The following PTPDC1 variants were observed in gnomAD, a reference collection of about 807,000 sequenced individuals.
The protein encoded by PTPDC1 is protein tyrosine phosphatase domain containing 1, also known as protein tyrosine phosphatase domain-containing protein 1.
Under a neutral mutation model 75.3 loss-of-function variants are expected in PTPDC1, and 53 were observed. That is an observed-to-expected ratio of 0.70 (90% CI 0.56 to 0.88). PTPDC1 has a LOEUF of 0.88. Ranked by LOEUF, PTPDC1 falls within the 40% of genes least tolerant of loss-of-function variation. The pLI is 0.00. For missense variants in PTPDC1, 925 were observed against 998.6 expected (o/e 0.93, Z 0.99); for synonymous variants, 349 against 366.2 (o/e 0.95, Z 0.54).
intron 5 of PTPDC1, among the ~76,000 whole-genome samples, chr9:94,096,537 A>C (rs1291657566): frequency 3.3e-5 from 5 of 152,120 alleles, no homozygotes; most frequent in South Asian, 2.1e-4. Context: ...TGACTGTTAT[A>C]TTTGAATTAA....
chr9:94,106,409 C>T (rs893610765), intron 8 of PTPDC1, among the ~76,000 whole-genome samples: 4 of 152,194 alleles, frequency 2.6e-5, no homozygotes, highest in Non-Finnish European at 4.4e-5. Flanking sequence ...CTTGCAGCCC[C>T]CTTGTGAAAC....
At chr9:94,038,020 A>G (rs1417382298) in intron 1 of PTPDC1, 1 of 399,610 alleles carries the variant, frequency 2.5e-6, no homozygotes, top group Non-Finnish European at 4.8e-6. Context: ...GCGACAAAAA[A>G]GAATTAAATA....
chr9:94,095,477 T>G, intron 5 of PTPDC1, 23 bp downstream of exon 5: 8 of 1,579,802 alleles, frequency 5.1e-6, no homozygotes, highest in Non-Finnish European at 6.9e-6. Context: ...AGGTGGTTTA[T>G]TGCCTGTAGG....
intron 7 of PTPDC1, among the ~76,000 whole-genome samples, chr9:94,102,793 G>T (rs955873729): frequency 6.6e-6 from 1 of 152,068 alleles, no homozygotes; most frequent in African/African-American, 2.4e-5. Flanking sequence ...GGTCAGGCTG[G>T]TCTCAAACTC....
intron 1 of PTPDC1, among the ~76,000 whole-genome samples, chr9:94,044,166 A>G (rs1564008861): frequency 6.6e-6 from 1 of 152,228 alleles, no homozygotes; most frequent in Admixed American, 6.5e-5. Flanking sequence ...AAATTTTAGA[A>G]TAAGCTTGTA....
Position 94,088,131 on chromosome 9 carries a change from C to G in PTPDC1, c.498-14C>G, listed in dbSNP as rs1205983405. 7 of 1,609,998 alleles carry G rather than the reference C, an allele frequency of 4.3e-6. No homozygotes were observed. Among genetic ancestry groups the G allele is most frequent in the Non-Finnish European group, 5.9e-6 (7 of 1,179,012 alleles). ...CTAGCTCCCAATATGACTGACTGCC[C>G]TTTTTCCTTTAAGCCATGGCATAAA... On this transcript the variant is annotated splice_polypyrimidine_tract_variant and intron_variant, in intron 3 of 8. Transcript: ENST00000620992.
intron 2 of PTPDC1, among the ~76,000 whole-genome samples, chr9:94,067,259 G>A (rs942897928): frequency 6.6e-5 from 10 of 151,970 alleles, no homozygotes; most frequent in African/African-American, 2.2e-4. Context: ...GCATGGTGGC[G>A]TATGCCTGTA....
At chr9:94,036,023 G>GTTTTTTTTTTTTTTTT (rs200873026) in intron 1 of PTPDC1, among the ~76,000 whole-genome samples, 7 of 85,572 alleles carry the variant, frequency 8.2e-5, no homozygotes, top group African/African-American at 1.6e-4. Context: ...CGGATTATTT[G>GTTTTTTTTTTTTTTTT]TTTTTTTTTT....
chr9:94,068,105 G>C (rs915226511), intron 2 of PTPDC1, among the ~76,000 whole-genome samples: 1 of 152,036 alleles, frequency 6.6e-6, no homozygotes, highest in African/African-American at 2.4e-5. Flanking sequence ...TTCATGGGCA[G>C]TGCTATATTC....
chr9:94,084,425 T>G, upstream of PTPDC1: 1 of 1,512,492 alleles, frequency 6.6e-7, no homozygotes, highest in Admixed American at 2.1e-5. Context: ...TCTGAATGGC[T>G]CTTAGATCAT....
At chr9:94,047,218 T>C (rs936842669) in intron 1 of PTPDC1, among the ~76,000 whole-genome samples, 1 of 152,216 alleles carries the variant, frequency 6.6e-6, no homozygotes, top group Non-Finnish European at 1.5e-5. Context: ...GTGGATAAGC[T>C]TTTTGATGTG....
chr9:94,084,798 C>A, intron 1 of PTPDC1, 24 bp downstream of exon 1: 1 of 1,469,180 alleles, frequency 6.8e-7, no homozygotes, highest in Non-Finnish European at 9.2e-7. Context: ...TATAGATTGC[C>A]ATACCTATGT....
chr9:94,104,385 G>A lies in PTPDC1; in HGVS notation c.2310G>A (p.Lys770=), dbSNP rs1420082067. 6.2e-7 allele frequency: 1 copy of A among 1,601,144 alleles called. No homozygotes were observed. Among genetic ancestry groups the A allele is most frequent in the African/African-American group, 1.3e-5 (1 of 74,672 alleles). The change falls in exon 8 of 9, where the codon AAG becomes AAA. Residue 770 remains lysine (K), a splice_region_variant and synonymous_variant. Coordinates refer to ENST00000620992, the MANE Select transcript of PTPDC1 (RefSeq NM_001253829.2). ...CCCATGCCATTAAGGCATTCACTAA[G>A]GTGGGTCATACTCTTCCTTTCCCCT... ...FLAHAIKAFT[K]VNFDSENGPT...
intron 1 of PTPDC1, 84 bp downstream of exon 1, chr9:94,084,858 A>G: frequency 1.0e-6 from 1 of 965,102 alleles, no homozygotes; most frequent in Non-Finnish European, 1.5e-6. Flanking sequence ...ATACCTTTTT[A>G]AATATTGGCA....
intron 5 of PTPDC1, among the ~76,000 whole-genome samples, chr9:94,095,866 G>GTA (rs1827545108): frequency 6.6e-6 from 1 of 152,174 alleles, no homozygotes; most frequent in East Asian, 1.9e-4. Context: ...TACAATGACC[G>GTA]TATATATATC....
intron 2 of PTPDC1, among the ~76,000 whole-genome samples, chr9:94,066,250 T>C (rs1826302427): frequency 6.6e-6 from 1 of 152,244 alleles, no homozygotes; most frequent in Admixed American, 6.5e-5. Context: ...AAAACATTTT[T>C]TAATTAAAAT....
intron 8 of PTPDC1, among the ~76,000 whole-genome samples, 168 bp downstream of exon 8, chr9:94,104,553 CA>C (rs541400153): frequency 1.3e-5 from 2 of 150,626 alleles, no homozygotes; most frequent in Non-Finnish European, 3.0e-5. Flanking sequence ...GAGTCTTGAC[CA>C]AAAAAAAAGT....
chr9:94,104,221 T>A, intron 7 of PTPDC1, 54 bp from the exon 8 acceptor site: 1 of 1,242,748 alleles, frequency 8.0e-7, no homozygotes, highest in South Asian at 1.3e-5. Flanking sequence ...TTTGAATTGA[T>A]TTATTGAGGC....
In PTPDC1 at chr9:94,084,784, T is replaced by A; in HGVS notation, c.244+10T>A. On this transcript the variant is annotated intron_variant, in intron 1 of 8. Transcript: ENST00000620992. ...GAAAGAAAAAGTAAAGGTCTCTTTC[T>A]TCTTATAGATTGCCATACCTATGTA... is the stretch of plus-strand genomic sequence containing the variant. 6.6e-7 allele frequency: 1 copy of A among 1,523,006 alleles called. No individual in the cohort carries two copies. Among genetic ancestry groups the A allele is most frequent in the Non-Finnish European group, 8.9e-7 (1 of 1,128,068 alleles). The allele number at this position is 1,523,006 out of a possible 1,614,324, so 94.3% of individuals were successfully genotyped here. A position where few individuals can be genotyped will look rare whatever the true frequency, so the allele number is the denominator to read the frequency against.
Sources: gnomAD v4.1 joint callset for allele counts (sites outside exome capture counted in the v4.1 genomes callset) on GRCh38, gnomAD v4.1.1 for gene constraint, MANE v1.5 for transcripts, NCBI Gene and HGNC (gene_info 2026-07-23, HGNC 2026-07-21) for gene names.